Variants in GFOD2 observed in about 807,000 individuals in gnomAD.
GFOD2 encodes Gfo/Idh/MocA-like oxidoreductase domain containing 2.
A neutral mutation model predicts 24.6 loss-of-function variants in GFOD2; 9 were observed. That is an observed-to-expected ratio of 0.37 (90% CI 0.22 to 0.64). The LOEUF (loss-of-function observed/expected upper bound fraction) is 0.64, where lower values mean the gene tolerates loss of function less well. GFOD2 is among the 30% of genes least tolerant of loss of function. The pLI, the probability that GFOD2 is intolerant of heterozygous loss-of-function variation, is 0.65. For synonymous variants in GFOD2, 211 were observed against 224.8 expected, an observed-to-expected ratio of 0.94 and a Z score of 0.55; for missense variants, 476 against 532.5, an observed-to-expected ratio of 0.89 and a Z score of 1.04.
chr16:67,707,316 C>T (rs1316789142), intron 1 of GFOD2, among the ~76,000 whole-genome samples: 3 of 150,882 alleles, frequency 2.0e-5, no homozygotes, highest in Non-Finnish European at 4.4e-5. Flanking sequence ...GAAGATCGCG[C>T]CATTGCACTC....
intron 1 of GFOD2, among the ~76,000 whole-genome samples, chr16:67,713,453 C>T (rs1007248163): frequency 2.0e-5 from 3 of 152,260 alleles, no homozygotes; most frequent in Non-Finnish European, 2.9e-5. Flanking sequence ...AGGGCTCAGT[C>T]CCACAGACTT....
chr16:67,707,241 C>G (rs2053445033), intron 1 of GFOD2, among the ~76,000 whole-genome samples: 1 of 151,380 alleles, frequency 6.6e-6, no homozygotes, highest in Non-Finnish European at 1.5e-5. Context: ...GCCTGTAATC[C>G]CAGCTACTCA....
intron 1 of GFOD2, among the ~76,000 whole-genome samples, chr16:67,704,598 C>T (rs1353141320): frequency 2.6e-5 from 4 of 152,122 alleles, no homozygotes; most frequent in African/African-American, 7.2e-5. Context: ...TTATATTTGG[C>T]ACTCCCCTCA....
rs78424335 is a variant in GFOD2, at chr16:67,707,833, C to T, written c.-88+11330G>A. Among the ~76,000 whole-genome samples the T allele has an allele frequency of 2.8e-3, 419 of 152,242 alleles. 3 individuals carry two copies. The highest frequency in any genetic ancestry group is 4.8e-3 in the Non-Finnish European group (327 of 68,018). On this transcript the variant is annotated intron_variant, in intron 1 of 2. Transcript: ENST00000268797. Reference sequence around the variant, plus strand: ...TCTAAAGTGCTGGGATTACAATGAACCACCTCGCCTAGCCTGTATGAATCT... The same window carrying T: ...TCTAAAGTGCTGGGATTACAATGAATCACCTCGCCTAGCCTGTATGAATCT...
intron 2 of GFOD2, chr16:67,682,510 A>C: frequency 4.1e-6 from 4 of 985,384 alleles, no homozygotes; most frequent in Non-Finnish European, 4.8e-6. Context: ...AAAATATATT[A>C]GGGCCCTTCC....
At chr16:67,691,542 C>T (rs969310689) in intron 1 of GFOD2, among the ~76,000 whole-genome samples, 1 of 148,196 alleles carries the variant, frequency 6.7e-6, no homozygotes, top group Non-Finnish European at 1.5e-5. Context: ...TAAGACTCTG[C>T]GGCAGGTCCC....
intron 2 of GFOD2, chr16:67,685,041 T>C (rs1567655232): frequency 1.2e-5 from 13 of 1,108,158 alleles, no homozygotes; most frequent in South Asian, 6.2e-5. Context: ...TGACAAAACA[T>C]GGGAAATGGT....
chr16:67,713,296 C>A (rs147635221), intron 1 of GFOD2, among the ~76,000 whole-genome samples: 2 of 152,262 alleles, frequency 1.3e-5, no homozygotes, highest in Non-Finnish European at 2.9e-5. Flanking sequence ...TTTCACACCA[C>A]AATAATCAAC....
chr16:67,693,413 C>T (rs552076443), intron 1 of GFOD2, among the ~76,000 whole-genome samples: 13 of 152,080 alleles, frequency 8.5e-5, no homozygotes, highest in Non-Finnish European at 1.5e-4. Flanking sequence ...CGTGTCATCA[C>T]GCCCTGCTAA....
intron 2 of GFOD2, chr16:67,677,825 C>A (rs1460716653): frequency 6.6e-6 from 1 of 152,278 alleles, no homozygotes; most frequent in African/African-American, 2.4e-5. Context: ...CCACAGCCAT[C>A]CAGGCTCCAC....
At chr16:67,681,094 T>C in intron 2 of GFOD2, 2 of 985,444 alleles carry the variant, frequency 2.0e-6, no homozygotes, top group Non-Finnish European at 2.4e-6. Flanking sequence ...GGGAAGACAA[T>C]CACAGTTCTG....
At chr16:67,718,589 A>G (rs144313428) in intron 1 of GFOD2, among the ~76,000 whole-genome samples, 250 of 152,278 alleles carry the variant, frequency 1.6e-3, no homozygotes, top group African/African-American at 5.4e-3. Flanking sequence ...AGCTACAAAT[A>G]CAAAGGTAGG....
intron 1 of GFOD2, among the ~76,000 whole-genome samples, chr16:67,707,097 G>A (rs1050688377): frequency 1.3e-5 from 2 of 148,816 alleles, no homozygotes; most frequent in Admixed American, 6.8e-5. Flanking sequence ...AGTGGCTCAC[G>A]CCTGTAATCC....
At chr16:67,685,181 T>C (rs2053256464) in intron 2 of GFOD2, 5 of 1,399,926 alleles carry the variant, frequency 3.6e-6, no homozygotes, top group African/African-American at 2.9e-5. Context: ...GCAAACTTTA[T>C]GTTGACTGAG....
At chr16:67,698,621 G>A (rs565062231) in intron 1 of GFOD2, among the ~76,000 whole-genome samples, 1 of 152,286 alleles carries the variant, frequency 6.6e-6, no homozygotes, top group Admixed American at 6.5e-5. Context: ...TGGGATTACA[G>A]GTGTGCGCCA....
chr16:67,699,594 G>A lies in GFOD2; in HGVS notation c.-87-13792C>T, dbSNP rs188801592. Among the ~76,000 whole-genome samples, 300 of 151,874 alleles carry A rather than the reference G, an allele frequency of 2.0e-3. 1 individual carries two copies. Among genetic ancestry groups the A allele is most frequent in the Non-Finnish European group, 3.1e-3 (209 of 67,936 alleles). ...CGCCTCCTGGGTTCAGGTGATTCTC[G>A]TGCCTCAGCCACCCGAGCAGCTGGG... On this transcript the variant is annotated intron_variant, in intron 1 of 2. Transcript: ENST00000268797.
At chr16:67,695,024 A>C (rs1597797935) in intron 1 of GFOD2, among the ~76,000 whole-genome samples, 1 of 114,668 alleles carries the variant, frequency 8.7e-6, no homozygotes, top group East Asian at 2.4e-4. Context: ...ACGGAGTCTC[A>C]CTCTGTCGCC....
In GFOD2 at chr16:67,685,227, T is replaced by TA. The variant is rs1475328148; in HGVS notation, c.259+229dup. On this transcript the variant is annotated intron_variant, in intron 2 of 2. Coordinates refer to ENST00000268797, the MANE Select transcript of GFOD2 (RefSeq NM_030819.4). The stretch of plus-strand genomic sequence containing the variant: ...CTCCAGCCCCTTGATGGCTGTCTCT[T>TA]AGAGTATTTCCTTAATTTCTGTTCA... 5 of 1,426,488 alleles carry TA rather than the reference T, an allele frequency of 3.5e-6. No homozygotes were observed. In the East Asian group the frequency reaches 1.0e-4, roughly 29 times the overall value. The allele number at this position is 1,426,488 out of a possible 1,614,324, so 88.4% of individuals were successfully genotyped here.
chr16:67,706,069 G>A (rs1162333543), intron 1 of GFOD2, among the ~76,000 whole-genome samples: 4 of 132,772 alleles, frequency 3.0e-5, no homozygotes, highest in South Asian at 5.5e-4. Context: ...TGCAACCTCC[G>A]CCTCCGGGGT....
Sources: allele counts gnomAD v4.1 joint callset (sites outside exome capture counted in the v4.1 genomes callset), GRCh38; gene constraint gnomAD v4.1.1; transcripts MANE v1.5; gene names NCBI Gene and HGNC (gene_info 2026-07-23, HGNC 2026-07-21).